AMMECR1: variants seen among roughly 807,000 people sequenced by gnomAD.
The protein encoded by AMMECR1 is nuclear protein AMMECR1.
Under a neutral mutation model 22.5 loss-of-function variants are expected in AMMECR1, and 3 were observed. The ratio of observed to expected loss-of-function variants is 0.13; its 90% CI spans 0.06 to 0.35. The LOEUF (loss-of-function observed/expected upper bound fraction) is 0.35. Among genes scored for constraint, AMMECR1 ranks in the 10% least tolerant of loss-of-function variants. AMMECR1 has a pLI of 1.00. For synonymous variants in AMMECR1, 130 were observed against 116.7 expected (o/e 1.11, Z -0.74); for missense variants, 235 against 278.7 (o/e 0.84, Z 1.12).
chrX:110,267,095 A>G (rs902521960), intron 1 of AMMECR1, among the ~76,000 whole-genome samples: 4 of 111,704 alleles, frequency 3.6e-5, no homozygotes, highest in African/African-American at 1.3e-4. Context: ...TCATTGATGG[A>G]CATTTGGGTT....
At chrX:110,409,245 T>C (rs1054059888) in intron 2 of AMMECR1, among the ~76,000 whole-genome samples, 4 of 110,829 alleles carry the variant, frequency 3.6e-5, no homozygotes, top group Non-Finnish European at 7.6e-5. Flanking sequence ...ATCCCAGTTA[T>C]CAGAAGAGAA....
At chrX:110,392,788 C>T (rs2068503748) in intron 2 of AMMECR1, among the ~76,000 whole-genome samples, 1 of 112,078 alleles carries the variant, frequency 8.9e-6, no homozygotes, top group African/African-American at 3.2e-5. Flanking sequence ...TGATCATTTA[C>T]ACCCTTTAGG....
At chrX:110,218,313 C>T (rs940607045) in intron 2 of AMMECR1, among the ~76,000 whole-genome samples, 3 of 111,269 alleles carry the variant, frequency 2.7e-5, no homozygotes, top group Non-Finnish European at 5.7e-5. Flanking sequence ...GTAAAAGACA[C>T]ATCATTCATT....
chrX:110,371,567 A>T (rs762257439), intron 2 of AMMECR1, among the ~76,000 whole-genome samples: 1 of 110,855 alleles, frequency 9.0e-6, no homozygotes, highest in Non-Finnish European at 1.9e-5. Flanking sequence ...TGGTAACCAT[A>T]TGAATTGGCT....
chrX:110,384,226 A>G (rs180961386), intron 2 of AMMECR1, among the ~76,000 whole-genome samples: 3 of 111,155 alleles, frequency 2.7e-5, no homozygotes, highest in East Asian at 5.6e-4. Flanking sequence ...TCTCCCCCAT[A>G]GTGCCTGGTG....
intron 2 of AMMECR1, among the ~76,000 whole-genome samples, chrX:110,232,889 C>CAAAAAAAAAA (rs775605567): frequency 1.7e-4 from 2 of 11,916 alleles, no homozygotes; most frequent in Non-Finnish European, 2.7e-4. Context: ...GACTCAGTCT[C>CAAAAAAAAAA]AAAAAAAAAA....
chrX:110,391,115 C>A (rs1433935686), intron 2 of AMMECR1, among the ~76,000 whole-genome samples: 1 of 111,797 alleles, frequency 8.9e-6, no homozygotes, highest in East Asian at 2.8e-4. Flanking sequence ...AAAAGGCATA[C>A]TGACAGCTCT....
At chrX:110,212,350 T>C (rs1424534867) in intron 3 of AMMECR1, among the ~76,000 whole-genome samples, 1 of 111,726 alleles carries the variant, frequency 9.0e-6, no homozygotes, top group Non-Finnish European at 1.9e-5. Context: ...TCTACCTCTA[T>C]GCTTTGGGAC....
chrX:110,379,839 A>G (rs1402459678), intron 2 of AMMECR1, among the ~76,000 whole-genome samples: 3 of 112,342 alleles, frequency 2.7e-5, no homozygotes, highest in Admixed American at 9.4e-5. Context: ...CCCTAAATAT[A>G]TCAATTTAAT....
Position 110,416,573 on chromosome X carries a change from T to A in AMMECR1, c.-148+10085A>T, listed in dbSNP as rs778873843. Among the ~76,000 whole-genome samples the A allele has an allele frequency of 1.5e-4, 17 of 111,612 alleles. No individual in the cohort carries two copies. In the Admixed American group the frequency reaches 1.6e-3, roughly 11 times the overall value. On this transcript the variant is annotated intron_variant, in intron 2 of 7. Coordinates refer to the AMMECR1 transcript ENST00000372057. ...GGCCATGTTCAGGTGTGTGGCCCAT[T>A]ACCTTGACTCTGTGCTGGTTAGCAT...
Position 110,202,536 on chromosome X carries a change from C to G in AMMECR1, c.700G>C (p.Val234Leu). 1 of 1,180,866 alleles carries G rather than the reference C, an allele frequency of 8.5e-7. No homozygotes were observed. The highest frequency in any genetic ancestry group is 1.2e-6 in the Non-Finnish European group (1 of 869,196). The change falls in exon 4 of 6, where the codon GTG becomes CTG. Residue 234 changes from valine to leucine, a missense_variant and splice_region_variant. Around this residue, in one of 2 missense-constraint regions of AMMECR1, gnomAD observed 111 missense variants for 181.7 expected, o/e 0.61. Coordinates refer to ENST00000262844, the MANE Select transcript of AMMECR1 (RefSeq NM_015365.3). ...EDVCDYLDWEVGVHGIRIEFI... is the reference protein window; with the variant it reads ...EDVCDYLDWELGVHGIRIEFI... ...TCTATTCTAATGCCATGTACACCCA[C>G]CTGAAAGAAATTGGCAGTTTTATTA... is the stretch of plus-strand genomic sequence containing the variant.
chrX:110,269,196 T>C (rs1245188594), intron 1 of AMMECR1, among the ~76,000 whole-genome samples: 1 of 111,896 alleles, frequency 8.9e-6, no homozygotes, highest in Non-Finnish European at 1.9e-5. Context: ...AAAAGCAATG[T>C]AAATCTGAAC....
chrX:110,404,677 G>A (rs2068586353), intron 2 of AMMECR1, among the ~76,000 whole-genome samples: 1 of 111,509 alleles, frequency 9.0e-6, no homozygotes, highest in Middle Eastern at 4.2e-3. Context: ...TGCGCATCAT[G>A]TGCCTTTTCT....
chrX:110,339,794 C>T (rs1489723895), intron 2 of AMMECR1, among the ~76,000 whole-genome samples: 4 of 111,647 alleles, frequency 3.6e-5, no homozygotes, highest in Non-Finnish European at 7.5e-5. Context: ...CCACGCCTGG[C>T]CTGAACGTGA....
At chrX:110,394,296 G>A (rs1468083850) in intron 2 of AMMECR1, among the ~76,000 whole-genome samples, 3 of 111,707 alleles carry the variant, frequency 2.7e-5, no homozygotes, top group African/African-American at 9.8e-5. Context: ...TCTCGCCCAG[G>A]CTGGAGTGCA....
At chrX:110,259,174 C>G (rs779379672) in intron 2 of AMMECR1, among the ~76,000 whole-genome samples, 5 of 111,467 alleles carry the variant, frequency 4.5e-5, no homozygotes, top group African/African-American at 1.6e-4. Flanking sequence ...CCCTCAAACT[C>G]CCCTGACACA....
chrX:110,214,356 A>T (rs1226266383), intron 3 of AMMECR1, among the ~76,000 whole-genome samples: 1 of 112,083 alleles, frequency 8.9e-6, no homozygotes, highest in Non-Finnish European at 1.9e-5. Flanking sequence ...TAAATACACA[A>T]TACCAAGTAG....
chrX:110,385,754 A>T (rs1023235663), intron 2 of AMMECR1, among the ~76,000 whole-genome samples: 2 of 110,913 alleles, frequency 1.8e-5, no homozygotes, highest in Non-Finnish European at 3.8e-5. Flanking sequence ...TTTGGGGTAC[A>T]GCTGATCCCA....
chrX:110,332,662 G>A (rs2068125332), intron 2 of AMMECR1, among the ~76,000 whole-genome samples: 1 of 111,617 alleles, frequency 9.0e-6, no homozygotes, highest in African/African-American at 3.3e-5. Context: ...GCTTTTGCTT[G>A]CAAGGTCAAA....
Sources: allele counts gnomAD v4.1 joint callset (sites outside exome capture counted in the v4.1 genomes callset), GRCh38; gene constraint gnomAD v4.1.1; regional missense constraint gnomAD v4.1.1; transcripts MANE v1.5; gene names NCBI Gene and HGNC (gene_info 2026-07-23, HGNC 2026-07-21).